Variants in KCNQ5 observed in about 807,000 individuals in gnomAD.
The protein encoded by KCNQ5 is potassium voltage-gated channel subfamily KQT member 5.
KCNQ5 carries 30 observed loss-of-function variants against 98.2 expected under a neutral mutation model. The ratio of observed to expected loss-of-function variants is 0.31; its 90% CI spans 0.23 to 0.41. The LOEUF (loss-of-function observed/expected upper bound fraction) is 0.41, where lower values mean the gene tolerates loss of function less well. KCNQ5 is among the 10% of genes least tolerant of loss of function. The probability of loss-of-function intolerance (pLI) is 1.00; values close to 1 mark genes in which losing one functional copy is unlikely to be tolerated. For synonymous variants in KCNQ5, 458 were observed against 449.4 expected, an observed-to-expected ratio of 1.02 and a Z score of -0.24; for missense variants, 835 against 1,182.5, an observed-to-expected ratio of 0.71 and a Z score of 4.31.
chr6:72,640,913 T>A (rs1259351949), intron 1 of KCNQ5: 5 of 152,170 alleles, frequency 3.3e-5, no homozygotes, highest in Non-Finnish European at 7.3e-5. Context: ...TTGACATTCA[T>A]TTTAAATACT....
intron 3 of KCNQ5, among the ~76,000 whole-genome samples, chr6:73,069,418 T>C (rs1327437543): frequency 6.6e-6 from 1 of 152,186 alleles, no homozygotes; most frequent in Non-Finnish European, 1.5e-5. Context: ...CATTGTATTC[T>C]ATTTCTTTCC....
rs139321639 is a variant in KCNQ5 at position 73,082,494 on chromosome 6, A to G, written c.918+4607A>G. Among the ~76,000 whole-genome samples the G allele has an allele frequency of 3.9e-3, 588 of 152,294 alleles. 1 individual carries two copies. The highest frequency in any genetic ancestry group is 0.013 in the African/African-American group (552 of 41,564). On this transcript the variant is annotated intron_variant, in intron 5 of 13. Coordinates refer to ENST00000370398, the MANE Select transcript of KCNQ5 (RefSeq NM_019842.4). Reference sequence around the variant, plus strand: ...CTATCCAGTGCATGTTCACCAGCATATCTCTTACAAGCTCTGGAATGAGGA... The same window carrying G: ...CTATCCAGTGCATGTTCACCAGCATGTCTCTTACAAGCTCTGGAATGAGGA...
intron 1 of KCNQ5, among the ~76,000 whole-genome samples, chr6:72,951,732 C>T (rs1208925995): frequency 1.3e-5 from 2 of 152,056 alleles, no homozygotes; most frequent in African/African-American, 2.4e-5. Flanking sequence ...CTATTTTCCA[C>T]GAAACATCCT....
chr6:73,133,891 T>G (rs1776345307), intron 10 of KCNQ5: 4 of 627,068 alleles, frequency 6.4e-6, no homozygotes, highest in Non-Finnish European at 1.2e-5. Flanking sequence ...TTGTTAATTC[T>G]TCACTTGTAT....
At chr6:72,771,656 G>GTGTGTC (rs1772893933) in intron 1 of KCNQ5, among the ~76,000 whole-genome samples, 1 of 148,446 alleles carries the variant, frequency 6.7e-6, no homozygotes, top group African/African-American at 2.5e-5. Flanking sequence ...ATTTCACTGT[G>GTGTGTC]TGTGTGTGTG....
intron 1 of KCNQ5, among the ~76,000 whole-genome samples, chr6:72,929,083 C>T (rs1287469005): frequency 6.6e-6 from 1 of 152,094 alleles, no homozygotes; most frequent in Non-Finnish European, 1.5e-5. Context: ...AAAATCCTAA[C>T]CTCATAAATG....
chr6:72,889,435 A>G (rs1778975731), intron 1 of KCNQ5, among the ~76,000 whole-genome samples: 1 of 152,204 alleles, frequency 6.6e-6, no homozygotes, highest in African/African-American at 2.4e-5. Context: ...AATGTATTCA[A>G]GTAAAGACTT....
At chr6:72,668,227 A>T (rs1280762656) in intron 1 of KCNQ5, among the ~76,000 whole-genome samples, 1 of 152,168 alleles carries the variant, frequency 6.6e-6, no homozygotes, top group Non-Finnish European at 1.5e-5. Flanking sequence ...CAAAATTTTA[A>T]AAGTTATTTC....
chr6:72,759,366 A>G (rs1772135364), intron 1 of KCNQ5, among the ~76,000 whole-genome samples: 1 of 152,168 alleles, frequency 6.6e-6, no homozygotes, highest in Admixed American at 6.6e-5. Context: ...ATAAGGGAAA[A>G]AAAATATTAC....
At chr6:72,696,344 C>A (rs1371495489) in intron 1 of KCNQ5, among the ~76,000 whole-genome samples, 1 of 152,068 alleles carries the variant, frequency 6.6e-6, no homozygotes, top group Non-Finnish European at 1.5e-5. Flanking sequence ...AATCTACAAA[C>A]AATACTTGAT....
intron 1 of KCNQ5, among the ~76,000 whole-genome samples, chr6:72,963,531 AGGAGTAT>A (rs1767472145): frequency 6.6e-6 from 1 of 152,252 alleles, no homozygotes; most frequent in Non-Finnish European, 1.5e-5. Context: ...AAATCTGGAA[AGGAGTAT>A]TGTTTAGCAA....
intron 1 of KCNQ5, among the ~76,000 whole-genome samples, chr6:72,947,467 T>G (rs1237114104): frequency 2.0e-5 from 3 of 152,194 alleles, no homozygotes; most frequent in African/African-American, 7.2e-5. Flanking sequence ...TTTTAACTAC[T>G]TTAGAGGTGT....
intron 1 of KCNQ5, among the ~76,000 whole-genome samples, chr6:72,646,309 A>T (rs1264866749): frequency 6.6e-6 from 1 of 152,034 alleles, no homozygotes. Context: ...GATAAAAAAA[A>T]GTCAACAGGC....
chr6:72,695,005 C>T lies in KCNQ5; in HGVS notation c.398+72418C>T, dbSNP rs183020127. 1.0e-3 allele frequency among the ~76,000 whole-genome samples: 155 copies of T among 152,220 alleles called. 1 individual carries two copies. Among genetic ancestry groups the T allele is most frequent in the African/African-American group, 3.5e-3 (146 of 41,546 alleles). The stretch of plus-strand genomic sequence containing the variant: ...GTTAATTCACTTAGGATAATGGCCT[C>T]CAGCTGCATCTATATTGCTGCAAAG... On this transcript the variant is annotated intron_variant, in intron 1 of 13. Coordinates refer to ENST00000370398, the MANE Select transcript of KCNQ5 (RefSeq NM_019842.4).
At chr6:72,829,799 C>T (rs1461789825) in intron 1 of KCNQ5, among the ~76,000 whole-genome samples, 2 of 151,992 alleles carry the variant, frequency 1.3e-5, no homozygotes, top group Non-Finnish European at 2.9e-5. Flanking sequence ...TTCAAGTTTA[C>T]ATAAAAAAGA....
At chr6:72,648,292 A>G (rs971564441) in intron 1 of KCNQ5, among the ~76,000 whole-genome samples, 1 of 152,162 alleles carries the variant, frequency 6.6e-6, no homozygotes, top group Non-Finnish European at 1.5e-5. Context: ...TGCAGTGGGC[A>G]CAAGAGATAG....
intron 1 of KCNQ5, among the ~76,000 whole-genome samples, chr6:72,896,527 G>A (rs372037277): frequency 1.3e-4 from 20 of 152,164 alleles, no homozygotes; most frequent in East Asian, 5.8e-4. Flanking sequence ...CTGTAATTGC[G>A]GAGATTCAGA....
intron 1 of KCNQ5, among the ~76,000 whole-genome samples, chr6:72,998,897 C>T (rs753726415): frequency 6.6e-6 from 1 of 152,248 alleles, no homozygotes; most frequent in South Asian, 2.1e-4. Flanking sequence ...ATCAGCAAAG[C>T]CTACTCTGTT....
chr6:73,118,797 G>C (rs990303034), intron 7 of KCNQ5, among the ~76,000 whole-genome samples: 1 of 152,198 alleles, frequency 6.6e-6, no homozygotes, highest in Non-Finnish European at 1.5e-5. Context: ...CGAGGTGGCA[G>C]ATCACCTGAG....
Sources: allele counts gnomAD v4.1 joint callset (sites outside exome capture counted in the v4.1 genomes callset), GRCh38; gene constraint gnomAD v4.1.1; transcripts MANE v1.5; gene names NCBI Gene and HGNC (gene_info 2026-07-23, HGNC 2026-07-21).